Variants in GNB1L observed in about 807,000 individuals in gnomAD.
GNB1L encodes G protein subunit beta 1 like, also known as guanine nucleotide-binding protein subunit beta-like protein 1.
A neutral mutation model predicts 29.1 loss-of-function variants in GNB1L; 20 were observed. That is an observed-to-expected ratio of 0.69 (90% CI 0.48 to 1.00). GNB1L has a LOEUF of 1.00. GNB1L is among the 50% of genes least tolerant of loss of function. The pLI is 0.00. For missense variants in GNB1L, 421 were observed against 464.9 expected (o/e 0.91, Z 0.87); for synonymous variants, 193 against 206.5 (o/e 0.93, Z 0.56).
rs184057568 is a variant in GNB1L, at chr22:19,793,744, T to C, written c.733-4784A>G. 2.3e-3 allele frequency among the ~76,000 whole-genome samples: 355 copies of C among 152,268 alleles called. 1 individual carries two copies. The highest frequency in any genetic ancestry group is 7.9e-3 in the African/African-American group (328 of 41,556). On this transcript the variant is annotated intron_variant, in intron 7 of 7. Transcript: ENST00000329517. Reference sequence around the variant, plus strand: ...TCTCATCAGAAACAATGTAACAACATCTTTACAGGGCATGAAGAAAAATAA... The same window carrying C: ...TCTCATCAGAAACAATGTAACAACACCTTTACAGGGCATGAAGAAAAATAA...
intron 7 of GNB1L, among the ~76,000 whole-genome samples, chr22:19,796,550 A>ATTTT (rs1937308539): frequency 6.6e-6 from 1 of 152,268 alleles, no homozygotes; most frequent in Non-Finnish European, 1.5e-5. Flanking sequence ...TAACTGGGGA[A>ATTTT]AAAAATCAAA....
At chr22:19,827,563 C>G (rs528016084) in intron 2 of GNB1L, among the ~76,000 whole-genome samples, 1 of 152,284 alleles carries the variant, frequency 6.6e-6, no homozygotes, top group Non-Finnish European at 1.5e-5. Flanking sequence ...ATTTCACAAG[C>G]AACGTAAATG....
At chr22:19,851,812 G>A in intron 2 of GNB1L, 1 of 1,613,994 alleles carries the variant, frequency 6.2e-7, no homozygotes, top group Non-Finnish European at 8.5e-7. Context: ...CCCAGGCCTG[G>A]GCTCGGCCTG....
chr22:19,824,757 C>G (rs1287869600), intron 2 of GNB1L, among the ~76,000 whole-genome samples: 1 of 152,224 alleles, frequency 6.6e-6, no homozygotes, highest in Admixed American at 6.5e-5. Flanking sequence ...GAGGCAGGGG[C>G]AGGCCTGCAA....
chr22:19,846,805 CA>C (rs1379110132), intron 2 of GNB1L: 4 of 647,912 alleles, frequency 6.2e-6, no homozygotes, highest in South Asian at 6.8e-5. Flanking sequence ...CAGGAGAAAC[CA>C]ACCCTGCCCA....
intron 2 of GNB1L, among the ~76,000 whole-genome samples, chr22:19,833,488 T>TGAG (rs1007637435): frequency 6.6e-6 from 1 of 151,960 alleles, no homozygotes; most frequent in African/African-American, 2.4e-5. Context: ...GAGGATGGCT[T>TGAG]GAGGAGTTCA....
chr22:19,807,742 G>A (rs982718037), intron 5 of GNB1L, among the ~76,000 whole-genome samples: 4 of 152,186 alleles, frequency 2.6e-5, no homozygotes, highest in African/African-American at 7.2e-5. Context: ...TTGGTCCAGC[G>A]GTCTCTGGCC....
intron 6 of GNB1L, among the ~76,000 whole-genome samples, chr22:19,806,440 G>A (rs1937435444): frequency 6.6e-6 from 1 of 152,232 alleles, no homozygotes; most frequent in Non-Finnish European, 1.5e-5. Context: ...CACTGCTGCT[G>A]GCTGAAGCCA....
chr22:19,811,957 C>T (rs1237367306), intron 5 of GNB1L, among the ~76,000 whole-genome samples: 4 of 152,210 alleles, frequency 2.6e-5, no homozygotes, highest in African/African-American at 4.8e-5. Context: ...CCGTTCCTGC[C>T]GGCCTCGGGC....
intron 2 of GNB1L, chr22:19,847,253 C>T (rs901708965): frequency 1.1e-5 from 11 of 985,430 alleles, no homozygotes; most frequent in Non-Finnish European, 1.3e-5. Context: ...AAGAAATAAG[C>T]AGTGCCAACT....
intron 6 of GNB1L, among the ~76,000 whole-genome samples, chr22:19,805,137 CT>C (rs200510172): frequency 0.13 from 20,099 of 152,248 alleles, 1,630 homozygotes; most frequent in East Asian, 0.41. Flanking sequence ...GGAAGCCACC[CT>C]GCCTCCTGTG....
chr22:19,852,720 AT>A (rs1347414134), intron 2 of GNB1L, among the ~76,000 whole-genome samples: 66 of 152,310 alleles, frequency 4.3e-4, no homozygotes, highest in African/African-American at 1.4e-3. Flanking sequence ...AAGGGGCCAG[AT>A]CAGAACTGTC....
At chr22:19,844,500 G>A (rs1039286593) in intron 2 of GNB1L, among the ~76,000 whole-genome samples, 10 of 152,226 alleles carry the variant, frequency 6.6e-5, no homozygotes, top group African/African-American at 1.2e-4. Context: ...CAGCAGGGGC[G>A]CCAGGCAGGC....
At chr22:19,805,581 G>A (rs1005344643) in intron 6 of GNB1L, among the ~76,000 whole-genome samples, 22 of 152,146 alleles carry the variant, frequency 1.4e-4, no homozygotes, top group African/African-American at 4.8e-4. Context: ...AGGAGATGGA[G>A]ACCATCCTGG....
intron 2 of GNB1L, chr22:19,846,462 C>T: frequency 1.0e-6 from 1 of 984,982 alleles, no homozygotes; most frequent in African/African-American, 1.7e-5. Context: ...CCCCAGAACC[C>T]AGGGCCTGGG....
intron 2 of GNB1L, among the ~76,000 whole-genome samples, chr22:19,845,951 T>C (rs940502406): frequency 1.3e-5 from 2 of 152,182 alleles, no homozygotes; most frequent in African/African-American, 2.4e-5. Context: ...GAATAACTAG[T>C]AAGGGACAGA....
Position 19,816,872 on chromosome 22 carries a change from C to T in GNB1L, c.254+3726G>A, listed in dbSNP as rs550488259. Among the ~76,000 whole-genome samples, 6 of 152,296 alleles carry T rather than the reference C, an allele frequency of 3.9e-5. No homozygotes were observed. In the East Asian group the frequency reaches 5.8e-4, roughly 15 times the overall value. On this transcript the variant is annotated intron_variant, in intron 4 of 7. Transcript: ENST00000329517. This position sits in a 1 kb window ranked among gnomAD's most constrained non-coding sequence, Gnocchi z 4.4. ...CCAACCTCCTGGCCTCCCAGGCTGC[C>T]GCTGCCACACCACCCCCCCAACCCT...
chr22:19,838,430 A>C (rs1348850004), intron 2 of GNB1L, among the ~76,000 whole-genome samples: 1 of 152,164 alleles, frequency 6.6e-6, no homozygotes, highest in Non-Finnish European at 1.5e-5. Flanking sequence ...CACACTCTGG[A>C]AAAGAGTATG....
At chr22:19,819,774 G>A (rs1937563283) in intron 4 of GNB1L, among the ~76,000 whole-genome samples, 1 of 152,162 alleles carries the variant, frequency 6.6e-6, no homozygotes, top group African/African-American at 2.4e-5. Context: ...GTGAGCTCGG[G>A]GCCCTGAGGG....
Sources: allele counts gnomAD v4.1 joint callset (sites outside exome capture counted in the v4.1 genomes callset), GRCh38; gene constraint gnomAD v4.1.1; non-coding constraint Gnocchi (gnomAD v3.1); transcripts MANE v1.5; gene names NCBI Gene and HGNC (gene_info 2026-07-23, HGNC 2026-07-21).